Variants in TTC7B observed in about 807,000 individuals in gnomAD.
TTC7B encodes tetratricopeptide repeat domain 7B, also known as tetratricopeptide repeat protein 7B.
In TTC7B, 28 loss-of-function variants were observed where a neutral mutation model predicts 106.8. That is an observed-to-expected ratio of 0.26 (90% CI 0.19 to 0.36). The LOEUF (loss-of-function observed/expected upper bound fraction) is 0.36, where lower values mean the gene tolerates loss of function less well. Ranked by LOEUF, TTC7B falls within the 10% of genes least tolerant of loss-of-function variation. The probability of loss-of-function intolerance (pLI) is 1.00; values close to 1 mark genes in which losing one functional copy is unlikely to be tolerated. For synonymous variants in TTC7B, 405 were observed against 430.6 expected, an observed-to-expected ratio of 0.94 and a Z score of 0.74; for missense variants, 862 against 1,076.4, an observed-to-expected ratio of 0.80 and a Z score of 2.79.
intron 3 of TTC7B, among the ~76,000 whole-genome samples, chr14:90,762,986 C>G (rs773962981): frequency 6.6e-6 from 1 of 152,216 alleles, no homozygotes; most frequent in Non-Finnish European, 1.5e-5. Context: ...AGAACTACCA[C>G]CAATTCTTCA....
intron 15 of TTC7B, among the ~76,000 whole-genome samples, chr14:90,637,595 T>C (rs1452084729): frequency 1.3e-5 from 2 of 152,204 alleles, no homozygotes; most frequent in African/African-American, 2.4e-5. Flanking sequence ...ATTTTGCAAA[T>C]GTACACAAAC....
At chr14:90,563,449 T>G (rs909136231) in intron 19 of TTC7B, among the ~76,000 whole-genome samples, 1 of 152,210 alleles carries the variant, frequency 6.6e-6, no homozygotes, top group Non-Finnish European at 1.5e-5. Flanking sequence ...ATCTTGTTGC[T>G]AAAAAATGTT....
chr14:90,773,630 A>G (rs560966576), intron 3 of TTC7B, among the ~76,000 whole-genome samples: 4 of 152,280 alleles, frequency 2.6e-5, no homozygotes, highest in East Asian at 1.9e-4. Flanking sequence ...CTGCCTCTCC[A>G]TGCAGCTGAG....
chr14:90,614,272 G>A (rs1042515753), intron 16 of TTC7B, among the ~76,000 whole-genome samples: 1 of 152,166 alleles, frequency 6.6e-6, no homozygotes, highest in Non-Finnish European at 1.5e-5. Context: ...CCATTTTATG[G>A]AGCTGCTTCA....
At chr14:90,549,000 C>T (rs1184152384) in intron 19 of TTC7B, among the ~76,000 whole-genome samples, 1 of 151,914 alleles carries the variant, frequency 6.6e-6, no homozygotes, top group Non-Finnish European at 1.5e-5. Flanking sequence ...TGGTGGCGGG[C>T]GCCTGTAGTC....
At position 90,608,713 on chromosome 14, in the gene TTC7B, T is replaced by C. The variant is rs1892755205; in HGVS notation, c.1966+2029A>G. ...CCATGGCATCTGAGAAAGCTGAATC[T>C]GAAGAGGGAGACTCTCAAGCACTCT... On this transcript the variant is annotated intron_variant, in intron 17 of 19. Transcript: ENST00000328459. This position sits in a 1 kb window ranked among gnomAD's most constrained non-coding sequence, Gnocchi z 5.1. 6.6e-6 allele frequency among the ~76,000 whole-genome samples: 1 copy of C among 152,180 alleles called. No homozygotes were observed. The highest frequency in any genetic ancestry group is 1.5e-5 in the Non-Finnish European group (1 of 68,032).
chr14:90,771,880 T>G (rs1009179088), intron 3 of TTC7B, among the ~76,000 whole-genome samples: 1 of 147,182 alleles, frequency 6.8e-6, no homozygotes, highest in Non-Finnish European at 1.5e-5. Context: ...AAATAAATAT[T>G]AAGTATATAC....
In TTC7B at chr14:90,541,527, C is replaced by T; in HGVS notation, c.2373G>A (p.Val791=). Residue 791 remains valine (V), a synonymous_variant, in exon 20 of 20, where the codon GTG becomes GTA. Coordinates refer to ENST00000328459, the MANE Select transcript of TTC7B (RefSeq NM_001010854.2). ...CCTCGTGGGCTGTCGAGTTCACCTG[C>T]ACCGCGTCCCGGAGGATCTTCTCCG... ...SLAEKILRDA[V]QVNSTAHEVW... The T allele has an allele frequency of 2.5e-6, 4 of 1,613,316 alleles. No homozygotes were observed. The highest frequency in any genetic ancestry group is 2.2e-5 in the East Asian group (1 of 44,878).
intron 7 of TTC7B, among the ~76,000 whole-genome samples, chr14:90,687,007 T>C (rs568901459): frequency 2.2e-4 from 34 of 151,880 alleles, no homozygotes; most frequent in African/African-American, 7.5e-4. Flanking sequence ...TTTTTTTTTT[T>C]CAAAAATGGA....
intron 15 of TTC7B, among the ~76,000 whole-genome samples, chr14:90,633,417 T>C (rs571712173): frequency 6.6e-6 from 1 of 152,358 alleles, no homozygotes; most frequent in East Asian, 1.9e-4. Context: ...TGGCTTTCCT[T>C]AGCGGCCATT....
intron 19 of TTC7B, among the ~76,000 whole-genome samples, chr14:90,561,799 A>G (rs1890599179): frequency 6.6e-6 from 1 of 152,242 alleles, no homozygotes; most frequent in Admixed American, 6.5e-5. Flanking sequence ...GGCTGGCTAC[A>G]GCCCTAAGCT....
intron 19 of TTC7B, among the ~76,000 whole-genome samples, chr14:90,568,014 G>A (rs777249356): frequency 6.6e-6 from 1 of 152,192 alleles, no homozygotes; most frequent in Non-Finnish European, 1.5e-5. Context: ...GCCCTCAATG[G>A]GGAGTCTCTG....
In TTC7B at chr14:90,759,499, C is replaced by T. The variant is rs937830491; in HGVS notation, c.446-14577G>A. Among the ~76,000 whole-genome samples, 5 of 152,280 alleles carry T rather than the reference C, an allele frequency of 3.3e-5. No homozygotes were observed. In the East Asian group the frequency reaches 9.6e-4, roughly 29 times the overall value. On this transcript the variant is annotated intron_variant, in intron 3 of 19. Transcript: ENST00000328459. This position sits in a 1 kb window ranked among gnomAD's most constrained non-coding sequence, Gnocchi z 4.1. ...ACCCAAACCCTAAGAATAAAAACTACAGCGGCCACCACCACACATTGCAGA... is the reference window on the plus strand; with the variant it reads ...ACCCAAACCCTAAGAATAAAAACTATAGCGGCCACCACCACACATTGCAGA...
At chr14:90,733,090 C>T (rs1038684806) in intron 4 of TTC7B, among the ~76,000 whole-genome samples, 1 of 152,160 alleles carries the variant, frequency 6.6e-6, no homozygotes, top group Non-Finnish European at 1.5e-5. Flanking sequence ...GATAAGCATT[C>T]AATATACATA....
At chr14:90,585,137 GC>G (rs1167065372) in intron 18 of TTC7B, among the ~76,000 whole-genome samples, 1 of 152,228 alleles carries the variant, frequency 6.6e-6, no homozygotes, top group Non-Finnish European at 1.5e-5. Flanking sequence ...ATTGAGCACA[GC>G]CCAGGCTCTG....
intron 12 of TTC7B, among the ~76,000 whole-genome samples, chr14:90,653,927 C>G (rs1352095928): frequency 6.6e-6 from 1 of 152,190 alleles, no homozygotes; most frequent in Admixed American, 6.5e-5. Flanking sequence ...GCCCCTCACT[C>G]AAAGTCTACT....
At chr14:90,655,184 G>A in intron 11 of TTC7B, 74 bp from the exon 12 acceptor site, 1 of 1,106,064 alleles carries the variant, frequency 9.0e-7, no homozygotes. Context: ...AGCGTCTGCT[G>A]CCAAAATTGG....
At chr14:90,554,825 GAGA>G (rs1398205148) in intron 19 of TTC7B, among the ~76,000 whole-genome samples, 5 of 152,366 alleles carry the variant, frequency 3.3e-5, no homozygotes, top group Admixed American at 3.3e-4. Context: ...CACAGCTGAA[GAGA>G]AGGAGCTGAA....
intron 3 of TTC7B, 58 bp downstream of exon 3, chr14:90,780,680 G>C: frequency 6.4e-7 from 1 of 1,563,442 alleles, no homozygotes; most frequent in Non-Finnish European, 8.7e-7. Flanking sequence ...AGGCAGCTCC[G>C]AAGAGGCGCT....
Sources: gnomAD v4.1 joint callset for allele counts (sites outside exome capture counted in the v4.1 genomes callset) on GRCh38, gnomAD v4.1.1 for gene constraint, Gnocchi (gnomAD v3.1) non-coding constraint, MANE v1.5 for transcripts, NCBI Gene and HGNC (gene_info 2026-07-23, HGNC 2026-07-21) for gene names.